The following FARP2 variants were observed in gnomAD, a reference collection of about 807,000 sequenced individuals.
FARP2 encodes the protein FERM, ARHGEF and pleckstrin domain-containing protein 2.
A neutral mutation model predicts 130.5 loss-of-function variants in FARP2; 111 were observed. The ratio of observed to expected loss-of-function variants is 0.85; its 90% CI spans 0.73 to 1.00. FARP2 has a LOEUF of 1.00. Among genes scored for constraint, FARP2 ranks in the 50% least tolerant of loss-of-function variants. The pLI is 0.00. For missense variants in FARP2, 1,385 were observed against 1,346.3 expected (o/e 1.03, Z -0.45); for synonymous variants, 504 against 516.9 (o/e 0.98, Z 0.34).
Position 241,403,723 on chromosome 2 carries a change from C to T in FARP2, c.184-105C>T. 4 of 607,688 alleles carry T rather than the reference C, an allele frequency of 6.6e-6. No individual in the cohort carries two copies. The South Asian group carries it at 1.0e-4, about 16-fold the overall frequency. 37.6% of individuals were successfully genotyped at this position (607,688 alleles called of 1,614,324 possible). ...TAAATCTTAGTTATACACTGGAAGA[C>T]AAAGTGATTTTATGTGTGGGAAAGT... On this transcript the variant is annotated intron_variant, in intron 2 of 26. Transcript: ENST00000264042.
rs975126924 is a variant in FARP2 at position 241,456,845 on chromosome 2, G to C, written c.1510G>C (p.Gly504Arg). The C allele has an allele frequency of 9.3e-6, 15 of 1,613,882 alleles. No individual in the cohort carries two copies. Among genetic ancestry groups the C allele is most frequent in the Non-Finnish European group, 1.2e-5 (14 of 1,179,974 alleles). Residue 504 changes from glycine to arginine, a missense_variant, in exon 14 of 27, where the codon GGC (glycine) becomes CGC (arginine). Coordinates refer to ENST00000264042, the MANE Select transcript of FARP2 (RefSeq NM_014808.4). Reference sequence around the variant, plus strand: ...GGTGCCTTTGGGCCCAGCTGAACAGGGCTCATCCCCACTCCTGAGCCCTGT... The same window carrying C: ...GGTGCCTTTGGGCCCAGCTGAACAGCGCTCATCCCCACTCCTGAGCCCTGT... ...FQVPLGPAEQ[G>R]SSPLLSPVLS... is the part of the protein sequence containing the mutation.
chr2:241,431,192 AGTT>A (rs2063081798), intron 8 of FARP2, among the ~76,000 whole-genome samples: 1 of 152,146 alleles, frequency 6.6e-6, no homozygotes, highest in Admixed American at 6.6e-5. Flanking sequence ...TCTTTTGGTC[AGTT>A]GTTAAGTACA....
rs2064421265 is a variant in FARP2, at chr2:241,475,036, C to G, written c.2132-821C>G. 6.6e-6 allele frequency among the ~76,000 whole-genome samples: 1 copy of G among 152,150 alleles called. No homozygotes were observed. The highest frequency in any genetic ancestry group is 1.5e-5 in the Non-Finnish European group (1 of 68,028). ...TTCCTGTCCAGATTATAAACTTTCT[C>G]TTATCTTTGCTTGAACTATAAGATT... On this transcript the variant is annotated intron_variant, in intron 18 of 26. Coordinates refer to ENST00000264042, the MANE Select transcript of FARP2 (RefSeq NM_014808.4). The surrounding 1 kb of genome is among the most constrained non-coding windows in gnomAD (Gnocchi z 4.4).
chr2:241,374,971 G>A (rs115710645), intron 2 of FARP2, among the ~76,000 whole-genome samples: 2,424 of 152,220 alleles, frequency 0.016, 43 homozygotes, highest in African/African-American at 0.042. Flanking sequence ...TTTTGAGGCG[G>A]AGTCTTGCCC....
At chr2:241,362,782 G>T (rs1393506610) in intron 1 of FARP2, among the ~76,000 whole-genome samples, 1 of 152,174 alleles carries the variant, frequency 6.6e-6, no homozygotes, top group African/African-American at 2.4e-5. Context: ...ATTCTGCAGA[G>T]AAACCATCTG....
At chr2:241,489,024 A>G (rs2064830966) in intron 21 of FARP2, 1 of 152,264 alleles carries the variant, frequency 6.6e-6, no homozygotes, top group Non-Finnish European at 1.5e-5. Context: ...ATTCCTTACA[A>G]AAACACCATG....
chr2:241,472,668 T>TTGAGGGGACTCTGTTC (rs1310686262), intron 18 of FARP2, among the ~76,000 whole-genome samples: 7 of 150,764 alleles, frequency 4.6e-5, no homozygotes, highest in Admixed American at 2.0e-4. Flanking sequence ...TGATGCTGTT[T>TTGAGGGGACTCTGTTC]TGAGGGGACT....
chr2:241,406,650 G>A (rs921877442), intron 4 of FARP2, among the ~76,000 whole-genome samples: 1 of 151,948 alleles, frequency 6.6e-6, no homozygotes, highest in Non-Finnish European at 1.5e-5. Flanking sequence ...GGCGGGTAGA[G>A]ATGGGATTTC....
At chr2:241,490,777 A>G (rs1366227361) in intron 22 of FARP2, among the ~76,000 whole-genome samples, 1 of 152,214 alleles carries the variant, frequency 6.6e-6, no homozygotes, top group Non-Finnish European at 1.5e-5. Flanking sequence ...AGAGAACATC[A>G]TTTCAGGAAC....
At chr2:241,382,510 T>G (rs1322603910) in intron 2 of FARP2, among the ~76,000 whole-genome samples, 3 of 152,156 alleles carry the variant, frequency 2.0e-5, no homozygotes, top group Non-Finnish European at 4.4e-5. Flanking sequence ...CTTGAACTCC[T>G]GGGCTCAAGC....
intron 9 of FARP2, among the ~76,000 whole-genome samples, chr2:241,432,855 T>TGTCA (rs774860764): frequency 2.0e-5 from 3 of 152,230 alleles, no homozygotes; most frequent in Non-Finnish European, 4.4e-5. Flanking sequence ...GCCATGCCTG[T>TGTCA]GTCAGCCCAG....
chr2:241,375,951 C>A (rs2061526663), intron 2 of FARP2, among the ~76,000 whole-genome samples: 1 of 152,080 alleles, frequency 6.6e-6, no homozygotes. Context: ...AGCTAAAATT[C>A]AATATATTGT....
chr2:241,418,077 G>A lies in FARP2; in HGVS notation c.739G>A (p.Ala247Thr). The A allele has an allele frequency of 6.2e-7, 1 of 1,614,206 alleles. No individual in the cohort carries two copies. Among genetic ancestry groups the A allele is most frequent in the Non-Finnish European group, 8.5e-7 (1 of 1,180,044 alleles). Residue 247 changes from alanine (A) to threonine (T), a missense_variant, in exon 8 of 27, where the codon GCA (alanine) becomes ACA (threonine). Ala to Thr is a moderately conservative substitution (Grantham distance 58). Coordinates refer to ENST00000264042, the MANE Select transcript of FARP2 (RefSeq NM_014808.4). Reference sequence around the variant, plus strand: ...CAGGGAAGGAACCAAGATTCAACTGGCAGTTTCCCACATGGGTGTACTCGT... The same window carrying A: ...CAGGGAAGGAACCAAGATTCAACTGACAGTTTCCCACATGGGTGTACTCGT... ...SDREGTKIQL[A>T]VSHMGVLVFQ... is the part of the protein sequence containing the mutation.
chr2:241,435,041 G>T lies in FARP2; in HGVS notation c.1100+11G>T. On this transcript the variant is annotated intron_variant, in intron 11 of 26. Coordinates refer to ENST00000264042, the MANE Select transcript of FARP2 (RefSeq NM_014808.4). ...AATTCCATATGAAAGGTAAGCTCTG[G>T]CCTTTATGATGTAAAGTGTGTGCTT... is the stretch of plus-strand genomic sequence containing the variant. 6.6e-7 allele frequency: 1 copy of T among 1,510,538 alleles called. No individual in the cohort carries two copies. Among genetic ancestry groups the T allele is most frequent in the South Asian group, 1.2e-5 (1 of 84,124 alleles). The allele number at this position is 1,510,538 out of a possible 1,614,324, so 93.6% of individuals were successfully genotyped here. A position where few individuals can be genotyped will look rare whatever the true frequency, so the allele number is the denominator to read the frequency against.
chr2:241,437,184 CTGTTA>C (rs2063253684), intron 12 of FARP2, among the ~76,000 whole-genome samples: 2 of 152,206 alleles, frequency 1.3e-5, no homozygotes, highest in African/African-American at 4.8e-5. Flanking sequence ...GAAATTCTTG[CTGTTA>C]TGTTACAAAT....
At chr2:241,359,596 G>C (rs2061138779) in intron 1 of FARP2, among the ~76,000 whole-genome samples, 1 of 152,202 alleles carries the variant, frequency 6.6e-6, no homozygotes, top group Non-Finnish European at 1.5e-5. Context: ...CTGGTCTCCT[G>C]TTCCCCTGTG....
At chr2:241,434,882 A>G in intron 10 of FARP2, 80 bp from the exon 11 acceptor site, 1 of 870,776 alleles carries the variant, frequency 1.1e-6, no homozygotes, top group Non-Finnish European at 1.9e-6. Context: ...GGATGGGTAA[A>G]TCTTTTCTTT....
At chr2:241,428,932 C>G (rs546173274) in intron 8 of FARP2, among the ~76,000 whole-genome samples, 1 of 152,214 alleles carries the variant, frequency 6.6e-6, no homozygotes, top group African/African-American at 2.4e-5. Context: ...TGTAGTGTTT[C>G]CTTGTTTCCA....
chr2:241,447,451 G>A (rs944152144), intron 13 of FARP2, among the ~76,000 whole-genome samples: 1 of 152,146 alleles, frequency 6.6e-6, no homozygotes, highest in African/African-American at 2.4e-5. Context: ...GCAGAGCTGG[G>A]TGTCGGGGAG....
Sources: gnomAD v4.1 joint callset for allele counts (sites outside exome capture counted in the v4.1 genomes callset) on GRCh38, gnomAD v4.1.1 for gene constraint, Gnocchi (gnomAD v3.1) non-coding constraint, MANE v1.5 for transcripts, NCBI Gene and HGNC (gene_info 2026-07-23, HGNC 2026-07-21) for gene names.